The following DAB1 variants were observed in gnomAD, a reference collection of about 807,000 sequenced individuals.
The protein encoded by DAB1 is disabled homolog 1.
Under a neutral mutation model 64.6 loss-of-function variants are expected in DAB1, and 15 were observed. The ratio of observed to expected loss-of-function variants is 0.23; its 90% CI spans 0.16 to 0.36. The LOEUF (loss-of-function observed/expected upper bound fraction) is 0.36. Ranked by LOEUF, DAB1 falls within the 10% of genes least tolerant of loss-of-function variation. The probability of loss-of-function intolerance (pLI) is 1.00; values close to 1 mark genes in which losing one functional copy is unlikely to be tolerated. For missense variants in DAB1, 596 were observed against 706.7 expected (o/e 0.84, Z 1.78); for synonymous variants, 235 against 251.9 (o/e 0.93, Z 0.64).
At chr1:57,985,685 A>C (rs1463844732) in intron 5 of DAB1, among the ~76,000 whole-genome samples, 1 of 151,782 alleles carries the variant, frequency 6.6e-6, no homozygotes, top group Non-Finnish European at 1.5e-5. Flanking sequence ...GCCACACTGG[A>C]GTCTTGAGTT....
chr1:57,481,094 G>A (rs1446337719), intron 7 of DAB1, among the ~76,000 whole-genome samples: 1 of 152,074 alleles, frequency 6.6e-6, no homozygotes, highest in East Asian at 1.9e-4. Context: ...CAAGATTAGT[G>A]GCTCCCTAGT....
intron 4 of DAB1, among the ~76,000 whole-genome samples, chr1:58,156,961 G>T (rs762735922): frequency 3.9e-5 from 6 of 152,158 alleles, no homozygotes; most frequent in Non-Finnish European, 7.4e-5. Context: ...TGTGTAAAAT[G>T]GTAGTAACAG....
At chr1:57,331,050 C>T (rs1161370320) in intron 1 of DAB1, among the ~76,000 whole-genome samples, 1 of 152,118 alleles carries the variant, frequency 6.6e-6, no homozygotes, top group Non-Finnish European at 1.5e-5. Flanking sequence ...TTTTTCTATA[C>T]CACTGCTGCC....
intron 7 of DAB1, among the ~76,000 whole-genome samples, chr1:57,629,013 C>G (rs1052127940): frequency 1.3e-5 from 2 of 152,168 alleles, no homozygotes; most frequent in Admixed American, 1.3e-4. Flanking sequence ...CATTAGTCTC[C>G]TTAGCATTTT....
At chr1:57,899,911 C>A (rs1644448630) in intron 5 of DAB1, among the ~76,000 whole-genome samples, 1 of 151,808 alleles carries the variant, frequency 6.6e-6, no homozygotes, top group Non-Finnish European at 1.5e-5. Flanking sequence ...TCTTGTCTCC[C>A]TGCCAGAAGT....
chr1:57,702,996 T>C (rs551438984), intron 6 of DAB1, among the ~76,000 whole-genome samples: 2 of 152,136 alleles, frequency 1.3e-5, no homozygotes, highest in Non-Finnish European at 2.9e-5. Flanking sequence ...ATACAGAAGA[T>C]TGAAACTGGA....
chr1:57,216,220 C>T (rs1666418747), intron 2 of DAB1, among the ~76,000 whole-genome samples: 1 of 151,848 alleles, frequency 6.6e-6, no homozygotes, highest in Admixed American at 6.6e-5. Flanking sequence ...AGGTTACTTA[C>T]CTTATCTGAT....
intron 5 of DAB1, among the ~76,000 whole-genome samples, chr1:57,919,885 A>T (rs1206151768): frequency 6.6e-6 from 1 of 152,134 alleles, no homozygotes; most frequent in African/African-American, 2.4e-5. Context: ...GTGTACTTGG[A>T]TTTATATTGA....
chr1:57,032,392 GAGA>G (rs1327391926), intron 9 of DAB1, among the ~76,000 whole-genome samples: 2 of 152,134 alleles, frequency 1.3e-5, no homozygotes, highest in Non-Finnish European at 1.5e-5. Context: ...CAATGGAGGA[GAGA>G]AGCACAGGGG....
intron 6 of DAB1, among the ~76,000 whole-genome samples, chr1:57,799,680 C>T (rs6698015): frequency 0.52 from 79,617 of 151,904 alleles, 21,940 homozygotes; most frequent in South Asian, 0.64. Flanking sequence ...AAATCTGGCT[C>T]GCCATCTGTT....
intron 6 of DAB1, among the ~76,000 whole-genome samples, chr1:57,817,517 G>A (rs1651922847): frequency 6.6e-6 from 1 of 152,162 alleles, no homozygotes; most frequent in African/African-American, 2.4e-5. Context: ...GGAGCTGCCT[G>A]GGGCTCTCAG....
chr1:58,292,480 T>A (rs2100451522), intron 4 of DAB1, among the ~76,000 whole-genome samples: 1 of 152,292 alleles, frequency 6.6e-6, no homozygotes, highest in African/African-American at 2.4e-5. Context: ...ACTAGGCTGA[T>A]CACTGATAAT....
At chr1:57,179,856 C>G (rs1662726733) in intron 2 of DAB1, among the ~76,000 whole-genome samples, 1 of 152,168 alleles carries the variant, frequency 6.6e-6, no homozygotes, top group South Asian at 2.1e-4. Context: ...CGGTGGACAT[C>G]AATCCTTAGG....
chr1:57,076,572 G>A (rs1340995519), intron 4 of DAB1, among the ~76,000 whole-genome samples: 1 of 152,178 alleles, frequency 6.6e-6, no homozygotes, highest in Non-Finnish European at 1.5e-5. Flanking sequence ...GGTCACCTGT[G>A]CTGCAAATAA....
chr1:57,647,425 C>G (rs1449657212), intron 7 of DAB1, among the ~76,000 whole-genome samples: 2 of 152,154 alleles, frequency 1.3e-5, no homozygotes, highest in African/African-American at 4.8e-5. Context: ...GGGCTCCCAC[C>G]TTCTCCAAGG....
At chr1:57,470,162 G>T (rs1354145178) in intron 7 of DAB1, among the ~76,000 whole-genome samples, 6 of 152,122 alleles carry the variant, frequency 3.9e-5, no homozygotes, top group Non-Finnish European at 8.8e-5. Flanking sequence ...CTAGAACTTG[G>T]TCTCCACTGA....
intron 9 of DAB1, among the ~76,000 whole-genome samples, chr1:57,043,574 C>T (rs755452917): frequency 1.2e-4 from 19 of 152,304 alleles, no homozygotes; most frequent in African/African-American, 4.3e-4. Context: ...AGGCCGGGCG[C>T]GGCGGCTCAC....
At chr1:57,889,002 TG>T (rs1163488881), upstream of DAB1, among the ~76,000 whole-genome samples, 7 of 152,150 alleles carry the variant, frequency 4.6e-5, no homozygotes, top group Admixed American at 2.0e-4. Flanking sequence ...GAGTGTGCGA[TG>T]GAGAGTTGGC....
chr1:57,563,935 G>C (rs1466755794), intron 7 of DAB1, among the ~76,000 whole-genome samples: 1 of 152,314 alleles, frequency 6.6e-6, no homozygotes, highest in East Asian at 1.9e-4. Flanking sequence ...GCTTTGAAGA[G>C]TGCAGTGGTT....
Sources: allele counts gnomAD v4.1 joint callset (sites outside exome capture counted in the v4.1 genomes callset), GRCh38; gene constraint gnomAD v4.1.1; transcripts MANE v1.5; gene names NCBI Gene and HGNC (gene_info 2026-07-23, HGNC 2026-07-21).